The following PRKG1 variants were observed in gnomAD, a reference collection of about 807,000 sequenced individuals.
PRKG1 encodes the protein protein kinase cGMP-dependent 1, also known as cGMP-dependent protein kinase 1.
A neutral mutation model predicts 88.1 loss-of-function variants in PRKG1; 35 were observed. The ratio of observed to expected loss-of-function variants is 0.40; its 90% CI spans 0.30 to 0.53. The LOEUF (loss-of-function observed/expected upper bound fraction) is 0.53. Ranked by LOEUF, PRKG1 falls within the 20% of genes least tolerant of loss-of-function variation. The probability of loss-of-function intolerance (pLI) is 0.59; values close to 1 mark genes in which losing one functional copy is unlikely to be tolerated. For synonymous variants in PRKG1, 303 were observed against 292.5 expected (o/e 1.04, Z -0.37); for missense variants, 540 against 839.8 (o/e 0.64, Z 4.41).
At chr10:51,432,842 G>A (rs980247409) in intron 2 of PRKG1, among the ~76,000 whole-genome samples, 2 of 152,000 alleles carry the variant, frequency 1.3e-5, no homozygotes, top group Non-Finnish European at 2.9e-5. Context: ...TTTTAACTAC[G>A]TCCCTTCATC....
intron 4 of PRKG1, among the ~76,000 whole-genome samples, chr10:51,815,340 CT>C (rs1321576104): frequency 3.3e-5 from 5 of 152,128 alleles, no homozygotes; most frequent in African/African-American, 1.2e-4. Flanking sequence ...GGAGTGAGTT[CT>C]TTTCCATAAG....
intron 2 of PRKG1, among the ~76,000 whole-genome samples, chr10:51,266,651 T>G (rs948226988): frequency 6.6e-5 from 10 of 152,212 alleles, no homozygotes; most frequent in Non-Finnish European, 1.5e-5. Flanking sequence ...TAAACAGTAA[T>G]CAGTTAAAGT....
chr10:51,634,560 T>C (rs78143698), intron 3 of PRKG1, among the ~76,000 whole-genome samples: 4,178 of 152,186 alleles, frequency 0.027, 135 homozygotes, highest in Admixed American at 0.089. Flanking sequence ...CTGTAAGGAA[T>C]TGGATAAAAA....
chr10:52,170,906 G>A (rs1383027722), intron 9 of PRKG1, among the ~76,000 whole-genome samples: 1 of 152,178 alleles, frequency 6.6e-6, no homozygotes, highest in African/African-American at 2.4e-5. Context: ...AACGGCTGCT[G>A]TTGTTCAGGC....
intron 2 of PRKG1, among the ~76,000 whole-genome samples, chr10:51,192,654 A>G (rs1407168810): frequency 6.6e-6 from 1 of 152,026 alleles, no homozygotes; most frequent in East Asian, 1.9e-4. Context: ...TACCCAGTAA[A>G]GAGATTTTCA....
chr10:51,769,321 G>C (rs187300061), intron 3 of PRKG1, among the ~76,000 whole-genome samples: 5 of 152,264 alleles, frequency 3.3e-5, no homozygotes, highest in Non-Finnish European at 5.9e-5. Flanking sequence ...AGTTTCAGCT[G>C]TCTAGCCTAC....
At chr10:51,715,177 T>G (rs566532795) in intron 3 of PRKG1, among the ~76,000 whole-genome samples, 2 of 152,340 alleles carry the variant, frequency 1.3e-5, no homozygotes, top group African/African-American at 4.8e-5. Context: ...TTTTATTTAT[T>G]GTTAGACTTT....
chr10:51,419,227 G>T (rs1438570352), intron 2 of PRKG1, among the ~76,000 whole-genome samples: 1 of 152,052 alleles, frequency 6.6e-6, no homozygotes, highest in Non-Finnish European at 1.5e-5. Context: ...ATTTTAAATT[G>T]AAATAGTCAC....
chr10:51,415,939 G>GTGTGTGTCTA (rs1554806528), intron 2 of PRKG1, among the ~76,000 whole-genome samples: 2 of 151,844 alleles, frequency 1.3e-5, no homozygotes, highest in Admixed American at 6.6e-5. Context: ...GTGTGTGTGT[G>GTGTGTGTCTA]TGTGTCTATG....
chr10:51,394,884 G>C (rs752603347), intron 2 of PRKG1, among the ~76,000 whole-genome samples: 1 of 152,146 alleles, frequency 6.6e-6, no homozygotes, highest in Non-Finnish European at 1.5e-5. Flanking sequence ...TCTCCCAACA[G>C]TGATTTTCCA....
intron 5 of PRKG1, among the ~76,000 whole-genome samples, chr10:52,049,882 C>T (rs1845945313): frequency 6.6e-6 from 1 of 152,056 alleles, no homozygotes; most frequent in Non-Finnish European, 1.5e-5. Context: ...CAGAACTAGA[C>T]ACAGTTCTTG....
At chr10:51,478,693 A>G (rs1176238905) in intron 3 of PRKG1, among the ~76,000 whole-genome samples, 1 of 151,932 alleles carries the variant, frequency 6.6e-6, no homozygotes. Context: ...CACACAACCA[A>G]TAAAAGTTAT....
At chr10:52,080,590 G>T (rs1262535610) in intron 7 of PRKG1, among the ~76,000 whole-genome samples, 1 of 152,100 alleles carries the variant, frequency 6.6e-6, no homozygotes, top group Non-Finnish European at 1.5e-5. Context: ...GCTTAATTTG[G>T]TTGATAAGTA....
chr10:51,143,452 A>T (rs189331960), intron 1 of PRKG1, among the ~76,000 whole-genome samples: 12 of 152,202 alleles, frequency 7.9e-5, no homozygotes, highest in Admixed American at 7.8e-4. Flanking sequence ...TGAGGTGCAG[A>T]TATGTTTTCA....
chr10:52,053,087 T>C (rs1846028612), intron 5 of PRKG1, among the ~76,000 whole-genome samples: 1 of 152,206 alleles, frequency 6.6e-6, no homozygotes, highest in African/African-American at 2.4e-5. Context: ...ATTATTTTTA[T>C]TTAGAAATAA....
chr10:52,112,189 A>G (rs181432541), intron 7 of PRKG1, among the ~76,000 whole-genome samples: 35 of 152,124 alleles, frequency 2.3e-4, no homozygotes, highest in Non-Finnish European at 3.4e-4. Context: ...CCTTTTTCAC[A>G]TACTCACTCC....
chr10:51,909,448 A>G (rs1842166395), intron 5 of PRKG1: 1 of 151,856 alleles, frequency 6.6e-6, no homozygotes, highest in South Asian at 2.1e-4. Context: ...AAAGCTTAAA[A>G]CCAAAAAAAA....
chr10:52,191,327 C>CTT (rs1195381803), intron 9 of PRKG1, among the ~76,000 whole-genome samples: 1 of 141,568 alleles, frequency 7.1e-6, no homozygotes, highest in East Asian at 2.0e-4. Context: ...CATGCTCCAG[C>CTT]TATTTTTTTT....
chr10:52,087,549 CTAGATT>C (rs1305774296), intron 7 of PRKG1, among the ~76,000 whole-genome samples: 1 of 151,938 alleles, frequency 6.6e-6, no homozygotes, highest in Non-Finnish European at 1.5e-5. Flanking sequence ...TTAATTGTAT[CTAGATT>C]TAAAGTCATA....
Sources: gnomAD v4.1 joint callset for allele counts (sites outside exome capture counted in the v4.1 genomes callset) on GRCh38, gnomAD v4.1.1 for gene constraint, MANE v1.5 for transcripts, NCBI Gene and HGNC (gene_info 2026-07-23, HGNC 2026-07-21) for gene names.